The following GABRR3 variants were observed in gnomAD, a reference collection of about 807,000 sequenced individuals.
GABRR3 encodes gamma-aminobutyric acid receptor subunit rho-3.
Under a neutral mutation model 43.2 loss-of-function variants are expected in GABRR3, and 29 were observed. The observed-to-expected ratio is 0.67, with a 90% CI of 0.50 to 0.92. GABRR3 has a LOEUF of 0.92. GABRR3 is among the 40% of genes least tolerant of loss of function. GABRR3 has a pLI of 0.00. For synonymous variants in GABRR3, 206 were observed against 195.9 expected (o/e 1.05, Z -0.43); for missense variants, 576 against 572.3 (o/e 1.01, Z -0.07).
intron 3 of GABRR3, among the ~76,000 whole-genome samples, chr3:98,018,452 C>G (rs1418453401): frequency 2.0e-5 from 3 of 152,160 alleles, no homozygotes; most frequent in African/African-American, 7.2e-5. Context: ...GACACTTGTA[C>G]AGTTGAGTCA....
At chr3:98,025,453 T>TTTTTTGTTTTAAACTGATGGAC in intron 3 of GABRR3, 114 bp downstream of exon 3, 1 of 630,104 alleles carries the variant, frequency 1.6e-6, no homozygotes, top group Non-Finnish European at 2.7e-6. Flanking sequence ...AAAGCCTTCT[T>TTTTTTGTTTTAAACTGATGGAC]TTTTTGTTTT....
intron 9 of GABRR3, among the ~76,000 whole-genome samples, chr3:97,988,937 ATGG>A (rs1244128244): frequency 6.3e-5 from 7 of 111,448 alleles, no homozygotes; most frequent in Admixed American, 1.7e-4. Context: ...GTGAGTGGGG[ATGG>A]TGGTGGTGGT....
intron 4 of GABRR3, among the ~76,000 whole-genome samples, chr3:98,016,694 T>C (rs781616098): frequency 1.3e-5 from 2 of 152,100 alleles, no homozygotes; most frequent in Non-Finnish European, 2.9e-5. Flanking sequence ...AACAAATTAA[T>C]AGATCAAGAG....
chr3:98,017,279 C>T (rs1706883145), intron 4 of GABRR3, among the ~76,000 whole-genome samples: 1 of 152,110 alleles, frequency 6.6e-6, no homozygotes, highest in South Asian at 2.1e-4. Context: ...AATGCTGGTT[C>T]AACTGTTTAT....
intron 5 of GABRR3, among the ~76,000 whole-genome samples, chr3:98,009,822 G>A (rs1706765870): frequency 1.3e-5 from 2 of 152,206 alleles, no homozygotes; most frequent in Non-Finnish European, 2.9e-5. Flanking sequence ...TTTGTCTGCT[G>A]TGGGCTAATT....
At chr3:97,987,071 A>G in intron 9 of GABRR3, 89 bp from the exon 10 acceptor site, 4 of 947,558 alleles carry the variant, frequency 4.2e-6, no homozygotes, top group Non-Finnish European at 6.2e-6. Context: ...GTTAAATATG[A>G]TTTATCAGAA....
chr3:97,998,791 CTAAA>C (rs1483076699), intron 8 of GABRR3: 1 of 152,102 alleles, frequency 6.6e-6, no homozygotes, highest in Non-Finnish European at 1.5e-5. Context: ...ACTCTTCCTA[CTAAA>C]TGTTTTTGTT....
chr3:97,993,467 A>G (rs2107226988), intron 8 of GABRR3, among the ~76,000 whole-genome samples: 1 of 152,302 alleles, frequency 6.6e-6, no homozygotes, highest in East Asian at 1.9e-4. Flanking sequence ...CTTTATGTCT[A>G]CATTTAATAT....
At chr3:98,021,113 C>G (rs771227717) in intron 3 of GABRR3, among the ~76,000 whole-genome samples, 11 of 152,008 alleles carry the variant, frequency 7.2e-5, no homozygotes, top group Non-Finnish European at 1.2e-4. Flanking sequence ...GATCCGCCTG[C>G]TTCGGCCTCC....
chr3:97,985,784 G>C (rs1313741331), downstream of GABRR3, among the ~76,000 whole-genome samples: 3 of 151,936 alleles, frequency 2.0e-5, no homozygotes, highest in Non-Finnish European at 4.4e-5. Context: ...AGAATGAGAA[G>C]AATAAGTGGA....
At chr3:97,999,158 A>G (rs1364409413) in intron 8 of GABRR3, 1 of 152,186 alleles carries the variant, frequency 6.6e-6, no homozygotes, top group Non-Finnish European at 1.5e-5. Context: ...AGTTATTATT[A>G]AGACACCAAC....
At chr3:98,023,664 TAAAG>T (rs1401214698) in intron 3 of GABRR3, among the ~76,000 whole-genome samples, 3 of 123,444 alleles carry the variant, frequency 2.4e-5, no homozygotes, top group Admixed American at 9.1e-5. Flanking sequence ...TAAAAAAAGA[TAAAG>T]AAATAGTCTC....
At chr3:98,025,595 G>A (rs767223237) in exon 3 of GABRR3, 71 of 1,610,312 alleles carry the variant, frequency 4.4e-5, no homozygotes, top group Middle Eastern at 1.6e-4. Context: ...TTGCGAAATC[G>A]TTGTCCTCTA....
intron 9 of GABRR3, among the ~76,000 whole-genome samples, chr3:97,989,407 G>T (rs1389188369): frequency 6.7e-6 from 1 of 148,334 alleles, no homozygotes; most frequent in East Asian, 2.0e-4. Context: ...GGTAGTGGGT[G>T]GTAAGTGATG....
chr3:97,988,797 A>T lies in GABRR3; in HGVS notation c.1105-1815T>A, dbSNP rs1161184691. Among the ~76,000 whole-genome samples, 6 of 144,842 alleles carry T rather than the reference A, an allele frequency of 4.1e-5. No homozygotes were observed. In the East Asian group the frequency reaches 1.2e-3, roughly 30 times the overall value. ...TGATGGTGGCGTTTGGTAGTGGTGGATGGTGGTCATGGTGGGTGGCGGTAA... is the reference window on the plus strand; with the variant it reads ...TGATGGTGGCGTTTGGTAGTGGTGGTTGGTGGTCATGGTGGGTGGCGGTAA... On this transcript the variant is annotated intron_variant, in intron 9 of 9. Transcript: ENST00000621172.
rs554662136 is a variant in GABRR3, at chr3:98,010,124, G to C, written c.531-1086C>G. Among the ~76,000 whole-genome samples the C allele has an allele frequency of 6.6e-5, 10 of 152,192 alleles. No individual in the cohort carries two copies. In the South Asian group the frequency reaches 2.1e-3, roughly 32 times the overall value. ...AGAGGATCTCCAAGATCACTCTCAG[G>C]GTCAGAGATTCACTAGAATGACTCG... On this transcript the variant is annotated intron_variant, in intron 5 of 9. Transcript: ENST00000621172.
intron 2 of GABRR3, among the ~76,000 whole-genome samples, chr3:98,033,602 A>T (rs1707118197): frequency 6.6e-6 from 1 of 152,284 alleles, no homozygotes; most frequent in Non-Finnish European, 1.5e-5. Flanking sequence ...GTACAAGTCT[A>T]CTCTATGGAT....
At chr3:98,007,844 G>A (rs1247717030) in exon 7 of GABRR3, 1 of 1,610,990 alleles carries the variant, frequency 6.2e-7, no homozygotes, top group Non-Finnish European at 8.5e-7. Context: ...ATGTTCTTCA[G>A]TATTTAAGGA....
intron 4 of GABRR3, among the ~76,000 whole-genome samples, chr3:98,014,836 C>T (rs566938813): frequency 6.6e-6 from 1 of 152,290 alleles, no homozygotes; most frequent in East Asian, 1.9e-4. Context: ...CCTCCCTCAA[C>T]AGATCCCTGT....
Sources: allele counts gnomAD v4.1 joint callset (sites outside exome capture counted in the v4.1 genomes callset), GRCh38; gene constraint gnomAD v4.1.1; transcripts MANE v1.5; gene names NCBI Gene and HGNC (gene_info 2026-07-23, HGNC 2026-07-21).